EHMT1: variants seen among roughly 807,000 people sequenced by gnomAD.
The protein encoded by EHMT1 is histone-lysine N-methyltransferase EHMT1.
A neutral mutation model predicts 147.2 loss-of-function variants in EHMT1; 15 were observed. The ratio of observed to expected loss-of-function variants is 0.10; its 90% CI spans 0.07 to 0.16. EHMT1 has a LOEUF of 0.16. Ranked by LOEUF, EHMT1 falls within the 10% of genes least tolerant of loss-of-function variation. EHMT1 has a pLI of 1.00. For synonymous variants in EHMT1, 795 were observed against 709.6 expected, an observed-to-expected ratio of 1.12 and a Z score of -1.91; for missense variants, 1,587 against 1,772.4, an observed-to-expected ratio of 0.90 and a Z score of 1.88.
intron 18 of EHMT1, among the ~76,000 whole-genome samples, chr9:137,805,875 C>G (rs1953905909): frequency 6.7e-6 from 1 of 150,030 alleles, no homozygotes; most frequent in African/African-American, 2.5e-5. Context: ...CTTGGTCAGG[C>G]TGGTCTCAAA....
Position 137,787,967 on chromosome 9 carries a change from C to G in EHMT1, c.2383-2881C>G, listed in dbSNP as rs1459501222. On this transcript the variant is annotated intron_variant, in intron 15 of 26. Coordinates refer to ENST00000460843, the MANE Select transcript of EHMT1 (RefSeq NM_024757.5). This position sits in a 1 kb window ranked among gnomAD's most constrained non-coding sequence, Gnocchi z 4.2. ...GGGAGGCCCTGTGTCCCCCACTGGA[C>G]AGCCCCCCAGGAACTGAGGTGCCCT... 5 of 1,490,110 alleles carry G rather than the reference C, an allele frequency of 3.4e-6. No individual in the cohort carries two copies. In the African/African-American group the frequency reaches 6.9e-5, roughly 21 times the overall value. 92.3% of individuals were successfully genotyped at this position (1,490,110 alleles called of 1,614,324 possible). A position where few individuals can be genotyped will look rare whatever the true frequency, so the allele number is the denominator to read the frequency against.
At chr9:137,814,658 A>G in intron 22 of EHMT1, 150 bp downstream of exon 22, 2 of 855,242 alleles carry the variant, frequency 2.3e-6, no homozygotes, top group South Asian at 2.8e-5. Context: ...CAGGGGAGGC[A>G]CAGCGGGCAC....
intron 1 of EHMT1, among the ~76,000 whole-genome samples, chr9:137,683,592 T>A (rs11137179): frequency 6.6e-6 from 1 of 152,128 alleles, no homozygotes; most frequent in Non-Finnish European, 1.5e-5. Context: ...GGCTATGATG[T>A]AGATTTTTTT....
At chr9:137,741,546 C>T (rs577904093) in intron 4 of EHMT1, among the ~76,000 whole-genome samples, 2 of 152,134 alleles carry the variant, frequency 1.3e-5, no homozygotes, top group South Asian at 2.1e-4. Context: ...GTGCCATGTC[C>T]GATTTATGAT....
chr9:137,815,759 G>A, intron 22 of EHMT1, 188 bp from the exon 23 acceptor site: 1 of 647,482 alleles, frequency 1.5e-6, no homozygotes, highest in Non-Finnish European at 2.8e-6. Flanking sequence ...GTGGGCATCT[G>A]GGTGGAGGCT....
intron 1 of EHMT1, among the ~76,000 whole-genome samples, chr9:137,710,156 G>GTAA (rs1410079051): frequency 6.8e-6 from 1 of 146,100 alleles, no homozygotes; most frequent in African/African-American, 2.6e-5. Flanking sequence ...GGATTTTTGT[G>GTAA]TAAAAAAAAA....
chr9:137,634,707 CTT>C (rs200814810), intron 1 of EHMT1, among the ~76,000 whole-genome samples: 13 of 123,444 alleles, frequency 1.1e-4, no homozygotes, highest in East Asian at 2.3e-4. Flanking sequence ...TTTCTTCTTT[CTT>C]TTTTTTTTTT....
chr9:137,639,386 C>T (rs1844319636), intron 1 of EHMT1, among the ~76,000 whole-genome samples: 1 of 152,076 alleles, frequency 6.6e-6, no homozygotes, highest in South Asian at 2.1e-4. Flanking sequence ...CATTTTCTTT[C>T]TAGTTCTATT....
At chr9:137,625,671 T>C (rs1843210022) in intron 1 of EHMT1, among the ~76,000 whole-genome samples, 1 of 152,014 alleles carries the variant, frequency 6.6e-6, no homozygotes, top group Non-Finnish European at 1.5e-5. Flanking sequence ...CTCTGTGTTC[T>C]CCTTTTCCGT....
chr9:137,701,536 G>A (rs1943823680), intron 1 of EHMT1, among the ~76,000 whole-genome samples: 4 of 151,848 alleles, frequency 2.6e-5, no homozygotes, highest in Admixed American at 2.6e-4. Context: ...TTGGCTCACT[G>A]CAACCTCTGC....
intron 16 of EHMT1, chr9:137,792,225 C>G (rs1432777419): frequency 2.1e-5 from 8 of 381,360 alleles, no homozygotes; most frequent in Non-Finnish European, 4.3e-5. Context: ...AAATAGAGAC[C>G]AATGGAATAA....
chr9:137,751,465 T>G (rs1337931182), intron 6 of EHMT1, among the ~76,000 whole-genome samples: 1 of 152,128 alleles, frequency 6.6e-6, no homozygotes, highest in East Asian at 1.9e-4. Context: ...GAGTACACCC[T>G]TGATGTGAAG....
intron 1 of EHMT1, among the ~76,000 whole-genome samples, chr9:137,700,580 C>T (rs913228981): frequency 6.6e-6 from 1 of 152,174 alleles, no homozygotes; most frequent in East Asian, 1.9e-4. Flanking sequence ...GTTCTCCTTT[C>T]TCAAAAGGTT....
At chr9:137,802,923 C>T in intron 18 of EHMT1, 1 of 1,232,564 alleles carries the variant, frequency 8.1e-7, no homozygotes, top group South Asian at 4.1e-5. Context: ...AGCAGAGGAG[C>T]CCTGAGCTGG....
chr9:137,682,190 C>G (rs528654358), intron 1 of EHMT1, among the ~76,000 whole-genome samples: 2 of 152,010 alleles, frequency 1.3e-5, no homozygotes, highest in African/African-American at 4.8e-5. Flanking sequence ...CCTCATGATC[C>G]GCCCACCTCA....
At chr9:137,685,698 G>T (rs912740575) in intron 1 of EHMT1, among the ~76,000 whole-genome samples, 11 of 152,090 alleles carry the variant, frequency 7.2e-5, no homozygotes, top group Non-Finnish European at 1.0e-4. Context: ...AATACATGAG[G>T]GTTCAGATTT....
At chr9:137,833,887 G>A (rs1956403096) in intron 25 of EHMT1, among the ~76,000 whole-genome samples, 1 of 152,204 alleles carries the variant, frequency 6.6e-6, no homozygotes, top group Non-Finnish European at 1.5e-5. Flanking sequence ...GGACTGCTCC[G>A]CCTCCTCGTC....
At chr9:137,815,454 G>A (rs1234792462) in intron 22 of EHMT1, 2 of 246,886 alleles carry the variant, frequency 8.1e-6, no homozygotes, top group African/African-American at 2.2e-5. Flanking sequence ...AGCTCACACA[G>A]CCCTGGGGGA....
chr9:137,795,293 T>G (rs1952813049), intron 16 of EHMT1: 1 of 152,138 alleles, frequency 6.6e-6, no homozygotes, highest in Non-Finnish European at 1.5e-5. Flanking sequence ...GATAAATATT[T>G]ACCCAGTTAT....
Sources: gnomAD v4.1 joint callset for allele counts (sites outside exome capture counted in the v4.1 genomes callset) on GRCh38, gnomAD v4.1.1 for gene constraint, Gnocchi (gnomAD v3.1) non-coding constraint, MANE v1.5 for transcripts, NCBI Gene and HGNC (gene_info 2026-07-23, HGNC 2026-07-21) for gene names.